The following PCDHA4 variants were observed in gnomAD, a reference collection of about 807,000 sequenced individuals.
PCDHA4 encodes protocadherin alpha-4.
A neutral mutation model predicts 61.4 loss-of-function variants in PCDHA4; 49 were observed. The observed-to-expected ratio is 0.80, with a 90% CI of 0.63 to 1.01. The LOEUF is 1.01. Ranked by LOEUF, PCDHA4 falls within the 50% of genes least tolerant of loss-of-function variation. The probability of loss-of-function intolerance (pLI) is 0.00; values close to 1 mark genes in which losing one functional copy is unlikely to be tolerated. For synonymous variants in PCDHA4, 590 were observed against 550.3 expected (o/e 1.07, Z -1.01); for missense variants, 1,254 against 1,235.8 (o/e 1.01, Z -0.22).
chr5:140,832,420 A>C (rs1771976831), intron 1 of PCDHA4, among the ~76,000 whole-genome samples: 1 of 152,226 alleles, frequency 6.6e-6, no homozygotes, highest in African/African-American at 2.4e-5. Flanking sequence ...TTCTAAAAGA[A>C]GTACATGATA....
At chr5:140,811,900 G>A (rs1259362613) in intron 1 of PCDHA4, 1 of 152,042 alleles carries the variant, frequency 6.6e-6, no homozygotes, top group Non-Finnish European at 1.5e-5. Flanking sequence ...CTGGATATTA[G>A]CCCTTTGTCA....
intron 1 of PCDHA4, chr5:140,824,227 TACACAAATATTGTG>T: frequency 6.5e-7 from 1 of 1,544,522 alleles, no homozygotes; most frequent in Non-Finnish European, 8.9e-7. Flanking sequence ...TATGTCTTAG[TACACAAATATTGTG>T]GTACACAATT....
rs1310141347 is a variant in PCDHA4, at chr5:140,970,963, T to C, written c.2386-7986T>C. ...TGCTGAGAAACCATGGGAGGCAGAT[T>C]GTAGATTAAGAAAAATGGGGGAATA... On this transcript the variant is annotated intron_variant, in intron 1 of 3. Coordinates refer to ENST00000530339, the MANE Select transcript of PCDHA4 (RefSeq NM_018907.4). Among the ~76,000 whole-genome samples, 41 of 152,180 alleles carry C rather than the reference T, an allele frequency of 2.7e-4. 1 individual carries two copies. Among genetic ancestry groups the C allele is most frequent in the Admixed American group, 2.7e-3 (41 of 15,274 alleles).
chr5:140,835,666 G>T, intron 1 of PCDHA4: 1 of 1,613,936 alleles, frequency 6.2e-7, no homozygotes, highest in Non-Finnish European at 8.5e-7. Context: ...GTTACCGCGC[G>T]GGACGGGGGC....
chr5:140,877,422 G>A (rs781813282), intron 1 of PCDHA4: 2 of 1,613,784 alleles, frequency 1.2e-6, no homozygotes, highest in Admixed American at 1.7e-5. Context: ...TGCTGGTGCT[G>A]GTGAAGGACC....
chr5:140,891,241 G>A (rs2153433469), intron 1 of PCDHA4, among the ~76,000 whole-genome samples: 1 of 152,200 alleles, frequency 6.6e-6, no homozygotes, highest in Middle Eastern at 3.4e-3. Flanking sequence ...TCTGGATTCA[G>A]TAGGATTTTT....
Position 140,978,951 on chromosome 5 carries a change from A to G in PCDHA4, c.2388A>G (p.Pro796=). Residue 796 remains proline, a splice_region_variant and synonymous_variant, in exon 2 of 4, where the codon CCA becomes CCG. Coordinates refer to ENST00000530339, the MANE Select transcript of PCDHA4 (RefSeq NM_018907.4). ...LQTTEESFAK[P]RQPNPDWRYS... ...AAACTCTCTTTGTGATTTTGCAGCC[A>G]CGACAGCCCAACCCTGACTGGCGTT... is the stretch of plus-strand genomic sequence containing the variant. 1.2e-6 allele frequency: 2 copies of G among 1,614,182 alleles called. No homozygotes were observed. The highest frequency in any genetic ancestry group is 1.7e-6 in the Non-Finnish European group (2 of 1,180,032).
chr5:140,978,920 A>G, intron 1 of PCDHA4, 29 bp from the exon 2 acceptor site: 1 of 1,614,014 alleles, frequency 6.2e-7, no homozygotes, highest in Non-Finnish European at 8.5e-7. Context: ...TTGTCATTTT[A>G]ACAGAAAACT....
At chr5:140,906,443 G>GAAATAA (rs1554192538) in intron 1 of PCDHA4, among the ~76,000 whole-genome samples, 1 of 152,068 alleles carries the variant, frequency 6.6e-6, no homozygotes, top group Non-Finnish European at 1.5e-5. Flanking sequence ...AACAAGAAAG[G>GAAATAA]AAATAAAATG....
chr5:140,851,635 T>TG lies in PCDHA4; in HGVS notation c.2385+42063_2385+42064insG, dbSNP rs758488624. On this transcript the variant is annotated intron_variant, in intron 1 of 3. Coordinates refer to ENST00000530339, the MANE Select transcript of PCDHA4 (RefSeq NM_018907.4). ...AGAAAATGCTTTTTAAACAAGTGTTTCCTTTCTTCAAGAAGACATTCTCCT... is the reference window on the plus strand; with the variant it reads ...AGAAAATGCTTTTTAAACAAGTGTTTGCCTTTCTTCAAGAAGACATTCTCCT... 201 of 917,124 alleles carry TG rather than the reference T, an allele frequency of 2.2e-4. 10 individuals are homozygous for TG. The highest frequency in any genetic ancestry group is 3.2e-4 in the Admixed American group (5 of 15,868). The allele number at this position is 917,124 out of a possible 1,614,324, so 56.8% of individuals were successfully genotyped here. A position where few individuals can be genotyped will look rare whatever the true frequency, so the allele number is the denominator to read the frequency against.
At chr5:140,930,918 T>G (rs1554208161) in intron 1 of PCDHA4, among the ~76,000 whole-genome samples, 1 of 152,180 alleles carries the variant, frequency 6.6e-6, no homozygotes, top group East Asian at 1.9e-4. Context: ...ACTTTAGATG[T>G]GTATATGTGG....
At chr5:140,871,204 A>G in intron 1 of PCDHA4, 1 of 1,613,764 alleles carries the variant, frequency 6.2e-7, no homozygotes, top group Non-Finnish European at 8.5e-7. Context: ...GTACCTGATC[A>G]TCGCCATCTG....
intron 3 of PCDHA4, among the ~76,000 whole-genome samples, chr5:140,996,297 T>TGTAACAAAGTAAGGGG (rs2097720569): frequency 6.6e-6 from 1 of 152,196 alleles, no homozygotes; most frequent in Non-Finnish European, 1.5e-5. Context: ...AAGCACAGAT[T>TGTAACAAAGTAAGGGG]GTAACAAAGT....
intron 1 of PCDHA4, chr5:140,928,542 C>A: frequency 6.2e-7 from 1 of 1,614,158 alleles, no homozygotes; most frequent in Non-Finnish European, 8.5e-7. Flanking sequence ...ATAGGAATGA[C>A]AATTATCCGG....
chr5:140,869,316 T>C (rs782789227), intron 1 of PCDHA4: 22 of 1,613,628 alleles, frequency 1.4e-5, no homozygotes, highest in South Asian at 4.4e-5. Flanking sequence ...CCAAAACACA[T>C]GGGGACCTTC....
In PCDHA4 at chr5:140,883,376, G is replaced by T. The variant is rs1276182742; in HGVS notation, c.2385+73804G>T. On this transcript the variant is annotated intron_variant, in intron 1 of 3. Transcript: ENST00000530339. The stretch of plus-strand genomic sequence containing the variant: ...AGACACTCAGCCTAGCGCCATTATT[G>T]CCCTAATCAGTGTGTCCGATCGTGA... 25 of 1,613,998 alleles carry T rather than the reference G, an allele frequency of 1.5e-5. No homozygotes were observed. The highest frequency in any genetic ancestry group is 2.0e-5 in the Non-Finnish European group (24 of 1,180,022).
chr5:140,856,704 C>T, intron 1 of PCDHA4: 1 of 1,596,654 alleles, frequency 6.3e-7, no homozygotes, highest in Non-Finnish European at 8.6e-7. Context: ...GGAGGCAAAC[C>T]TGAATTTACC....
At chr5:140,895,250 T>G (rs2153449407) in intron 1 of PCDHA4, among the ~76,000 whole-genome samples, 1 of 152,318 alleles carries the variant, frequency 6.6e-6, no homozygotes, top group African/African-American at 2.4e-5. Flanking sequence ...TTTTCAAAGC[T>G]TTCTTTTTTT....
intron 1 of PCDHA4, among the ~76,000 whole-genome samples, chr5:140,886,110 G>A (rs1332872994): frequency 6.6e-6 from 1 of 152,164 alleles, no homozygotes; most frequent in Non-Finnish European, 1.5e-5. Context: ...CAGTAAAGAA[G>A]TAACATAGTT....
Sources: gnomAD v4.1 joint callset for allele counts (sites outside exome capture counted in the v4.1 genomes callset) on GRCh38, gnomAD v4.1.1 for gene constraint, MANE v1.5 for transcripts, NCBI Gene and HGNC (gene_info 2026-07-23, HGNC 2026-07-21) for gene names.